Variants in TRMT11 observed in about 807,000 individuals in gnomAD.
TRMT11 encodes tRNA methyltransferase 11.
Under a neutral mutation model 62.8 loss-of-function variants are expected in TRMT11, and 53 were observed. The ratio of observed to expected loss-of-function variants is 0.84; its 90% CI spans 0.68 to 1.06. The LOEUF (loss-of-function observed/expected upper bound fraction) is 1.06, where lower values mean the gene tolerates loss of function less well. Ranked by LOEUF, TRMT11 falls within the 50% of genes least tolerant of loss-of-function variation. The pLI, the probability that TRMT11 is intolerant of heterozygous loss-of-function variation, is 0.00. For synonymous variants in TRMT11, 188 were observed against 190.3 expected, an observed-to-expected ratio of 0.99 and a Z score of 0.10; for missense variants, 556 against 553.4, an observed-to-expected ratio of 1.00 and a Z score of -0.05.
intron 21 of TRMT11, among the ~76,000 whole-genome samples, chr6:126,135,255 GA>G (rs746779859): frequency 6.6e-6 from 1 of 151,174 alleles, no homozygotes; most frequent in Non-Finnish European, 1.5e-5. Context: ...GATCAACTAA[GA>G]AAAAAAGAGA....
chr6:126,215,224 A>G, the TRMT11 span, among the ~76,000 whole-genome samples: 1 of 152,070 alleles, frequency 6.6e-6, no homozygotes, highest in East Asian at 1.9e-4. Flanking sequence ...GATGCAGATT[A>G]AGTCCAATGT....
At chr6:126,256,166 C>G in the TRMT11 span, among the ~76,000 whole-genome samples, 1 of 152,186 alleles carries the variant, frequency 6.6e-6, no homozygotes, top group African/African-American at 2.4e-5. Flanking sequence ...TTCCATTGGG[C>G]TACTTGAGTG....
At chr6:126,085,183 T>A (rs995456071) in intron 17 of TRMT11, among the ~76,000 whole-genome samples, 12 of 152,184 alleles carry the variant, frequency 7.9e-5, no homozygotes, top group Non-Finnish European at 1.5e-4. Flanking sequence ...CAAAACATCA[T>A]GTTGTACACC....
intron 21 of TRMT11, among the ~76,000 whole-genome samples, chr6:126,122,643 C>T (rs893340949): frequency 6.6e-6 from 1 of 152,152 alleles, no homozygotes; most frequent in African/African-American, 2.4e-5. Context: ...GGCTTCCCCA[C>T]TCATTCTCTT....
chr6:126,162,309 T>C (rs989685988), intron 21 of TRMT11, among the ~76,000 whole-genome samples: 1 of 152,262 alleles, frequency 6.6e-6, no homozygotes, highest in African/African-American at 2.4e-5. Context: ...CACCATTTAT[T>C]AAACAGGGAA....
intron 21 of TRMT11, among the ~76,000 whole-genome samples, chr6:126,146,793 C>T (rs1377159361): frequency 5.9e-5 from 9 of 152,186 alleles, no homozygotes; most frequent in African/African-American, 2.2e-4. Flanking sequence ...GTTGGGATTA[C>T]AGGCATGAGC....
At chr6:126,231,807 A>G in the TRMT11 span, among the ~76,000 whole-genome samples, 1 of 152,190 alleles carries the variant, frequency 6.6e-6, no homozygotes, top group Admixed American at 6.6e-5. Context: ...TGGATTAACA[A>G]ATAAGGCTTT....
intron 2 of TRMT11, chr6:126,199,656 A>G (rs1778712216): frequency 6.6e-6 from 1 of 152,250 alleles, no homozygotes; most frequent in Non-Finnish European, 1.5e-5. Flanking sequence ...GCTGTAAACC[A>G]AAAGAGAAAC....
chr6:126,167,188 G>A (rs1460855287), intron 21 of TRMT11, among the ~76,000 whole-genome samples: 1 of 152,170 alleles, frequency 6.6e-6, no homozygotes, highest in Non-Finnish European at 1.5e-5. Context: ...AGCTAGCTCG[G>A]TGTCTGCCCA....
At chr6:126,023,696 A>G (rs1796158152) in intron 12 of TRMT11, among the ~76,000 whole-genome samples, 4 of 152,110 alleles carry the variant, frequency 2.6e-5, no homozygotes, top group Admixed American at 2.0e-4. Context: ...TGATGCAATA[A>G]TATGTTGTAT....
chr6:126,153,929 C>A (rs1778086596), intron 21 of TRMT11, among the ~76,000 whole-genome samples: 1 of 152,030 alleles, frequency 6.6e-6, no homozygotes, highest in South Asian at 2.1e-4. Flanking sequence ...CATTGACATA[C>A]CCAGGCTGGG....
chr6:126,126,469 G>A (rs1306268787), intron 21 of TRMT11, among the ~76,000 whole-genome samples: 1 of 152,098 alleles, frequency 6.6e-6, no homozygotes, highest in Non-Finnish European at 1.5e-5. Flanking sequence ...GGCCCTTTGT[G>A]TTAACTCACT....
intron 21 of TRMT11, among the ~76,000 whole-genome samples, chr6:126,151,731 C>G (rs1054888590): frequency 1.3e-5 from 2 of 150,956 alleles, no homozygotes; most frequent in African/African-American, 4.9e-5. Context: ...TCCCTCCCTC[C>G]CTTCCATCCT....
At chr6:126,016,029 A>T (rs1239357242) in intron 11 of TRMT11, among the ~76,000 whole-genome samples, 1 of 152,172 alleles carries the variant, frequency 6.6e-6, no homozygotes, top group Non-Finnish European at 1.5e-5. Flanking sequence ...TCCTCTCTGA[A>T]TCATCATTTT....
intron 1 of TRMT11, among the ~76,000 whole-genome samples, chr6:126,180,409 A>G (rs1273608606): frequency 6.6e-6 from 1 of 152,192 alleles, no homozygotes; most frequent in East Asian, 1.9e-4. Flanking sequence ...ACAGTCTATC[A>G]TGTTCTCAGA....
rs557190318 is a variant in TRMT11, at chr6:126,183,059, C to G, written n.143+5724C>G. 3.3e-5 allele frequency among the ~76,000 whole-genome samples: 5 copies of G among 152,240 alleles called. No homozygotes were observed. The East Asian group carries it at 9.7e-4, about 29-fold the overall frequency. On this transcript the variant is annotated intron_variant and non_coding_transcript_variant, in intron 1 of 3. Transcript: ENST00000444229. Reference sequence around the variant, plus strand: ...TAACACACCCATCCCTCCAACACCACCCACCCACTGCAGGCTTCGTAGACT... The same window carrying G: ...TAACACACCCATCCCTCCAACACCAGCCACCCACTGCAGGCTTCGTAGACT...
At chr6:126,237,832 A>T in the TRMT11 span, among the ~76,000 whole-genome samples, 2 of 152,222 alleles carry the variant, frequency 1.3e-5, no homozygotes, top group African/African-American at 2.4e-5. Flanking sequence ...CTGTGAATCC[A>T]TCTGGTCCTG....
At chr6:126,188,267 A>C (rs1471968594) in intron 1 of TRMT11, among the ~76,000 whole-genome samples, 1 of 152,066 alleles carries the variant, frequency 6.6e-6, no homozygotes, top group Non-Finnish European at 1.5e-5. Flanking sequence ...AGAATAGATA[A>C]AGATTTCCTA....
the TRMT11 span, among the ~76,000 whole-genome samples, chr6:126,263,505 T>A: frequency 6.6e-6 from 1 of 152,222 alleles, no homozygotes; most frequent in African/African-American, 2.4e-5. Context: ...AATATCTTAA[T>A]GCTATGTGGA....
Sources: allele counts gnomAD v4.1 joint callset (sites outside exome capture counted in the v4.1 genomes callset), GRCh38; gene constraint gnomAD v4.1.1; transcripts MANE v1.5; gene names NCBI Gene and HGNC (gene_info 2026-07-23, HGNC 2026-07-21).